Variants in HDAC9 observed in about 807,000 individuals in gnomAD.
HDAC9 encodes MEF-2 interacting transcription repressor (MITR) protein.
HDAC9 carries 41 observed loss-of-function variants against 139.4 expected under a neutral mutation model. The ratio of observed to expected loss-of-function variants is 0.29; its 90% CI spans 0.23 to 0.38. The LOEUF (loss-of-function observed/expected upper bound fraction) is 0.38, where lower values mean the gene tolerates loss of function less well. HDAC9 is among the 10% of genes least tolerant of loss of function. The pLI, the probability that HDAC9 is intolerant of heterozygous loss-of-function variation, is 1.00. For synonymous variants in HDAC9, 517 were observed against 476.2 expected (o/e 1.09, Z -1.12); for missense variants, 1,147 against 1,297.0 (o/e 0.88, Z 1.78).
At chr7:18,732,769 G>A (rs1314567738) in intron 13 of HDAC9, among the ~76,000 whole-genome samples, 1 of 87,118 alleles carries the variant, frequency 1.1e-5, no homozygotes, top group Non-Finnish European at 2.2e-5. Context: ...GTGTATGTGT[G>A]CGTATGTGTA....
chr7:18,361,160 T>G (rs1269575175), intron 1 of HDAC9, among the ~76,000 whole-genome samples: 1 of 152,222 alleles, frequency 6.6e-6, no homozygotes, highest in Non-Finnish European at 1.5e-5. Context: ...ATAATGTATT[T>G]TATAGACTAT....
At chr7:18,156,838 G>T (rs1392464832) in intron 1 of HDAC9, among the ~76,000 whole-genome samples, 1 of 152,184 alleles carries the variant, frequency 6.6e-6, no homozygotes, top group Non-Finnish European at 1.5e-5. Context: ...AAGAATTCAA[G>T]ATACGGCTGG....
chr7:18,397,077 T>A (rs1176072750), intron 1 of HDAC9, among the ~76,000 whole-genome samples: 1 of 151,790 alleles, frequency 6.6e-6, no homozygotes, highest in African/African-American at 2.4e-5. Flanking sequence ...TACAAAAGGG[T>A]ATTGAGAGAA....
intron 16 of HDAC9, among the ~76,000 whole-genome samples, chr7:18,774,747 G>C (rs1790610928): frequency 6.6e-6 from 1 of 152,032 alleles, no homozygotes; most frequent in South Asian, 2.1e-4. Context: ...CTCCATATCA[G>C]CAGTAAGGCT....
intron 1 of HDAC9, among the ~76,000 whole-genome samples, chr7:18,092,918 T>C (rs1414428792): frequency 6.6e-6 from 1 of 152,212 alleles, no homozygotes; most frequent in Non-Finnish European, 1.5e-5. Context: ...CCTAAATATA[T>C]TCCACGCATG....
intron 2 of HDAC9, among the ~76,000 whole-genome samples, chr7:18,528,013 G>A (rs1449922339): frequency 1.3e-5 from 2 of 151,930 alleles, no homozygotes; most frequent in Non-Finnish European, 2.9e-5. Flanking sequence ...ATTATAGGTC[G>A]GGCATGGTGG....
At chr7:18,470,664 A>G (rs142827555) in intron 1 of HDAC9, among the ~76,000 whole-genome samples, 174 of 152,336 alleles carry the variant, frequency 1.1e-3, no homozygotes, top group South Asian at 1.7e-3. Context: ...GAAAAAAACC[A>G]TAGATAATAT....
rs1800828359 is a variant in HDAC9, at chr7:18,893,037, A to AAAAC, written c.2803+18444_2803+18445insCAAA. ...GTTTCAAGTAGGTAATAGGCCGAAAAAAAAAAAAAAAAAAAAAGAAAAGAA... is the reference window on the plus strand; with the variant it reads ...GTTTCAAGTAGGTAATAGGCCGAAAAAAACAAAAAAAAAAAAAAAAAGAAAAGAA... On this transcript the variant is annotated intron_variant, in intron 22 of 25. Transcript: ENST00000686413. 1.4e-5 allele frequency among the ~76,000 whole-genome samples: 2 copies of AAAAC among 141,602 alleles called. 1 individual carries two copies. Among genetic ancestry groups the AAAAC allele is most frequent in the Non-Finnish European group, 3.0e-5 (2 of 66,168 alleles). The allele number at this position is 141,602 out of a possible 152,430, so 92.9% of individuals were successfully genotyped here.
intron 12 of HDAC9, among the ~76,000 whole-genome samples, chr7:18,703,899 T>C (rs1298955667): frequency 6.6e-6 from 1 of 152,132 alleles, no homozygotes; most frequent in African/African-American, 2.4e-5. Context: ...TTCAGTCCAT[T>C]ACTAATTTTA....
At position 18,458,151 on chromosome 7, in the gene HDAC9, CA is replaced by C. The variant is rs34536617; in HGVS notation, c.-41-38107del. 5.3e-5 allele frequency among the ~76,000 whole-genome samples: 8 copies of C among 152,164 alleles called. No homozygotes were observed. The East Asian group carries it at 1.5e-3, about 29-fold the overall frequency. ...TTGCCCCAGGGAAGTGTTGCATTAT[CA>C]AAAGAGACGCTCACCCTCTCAGTGC... On this transcript the variant is annotated intron_variant, in intron 1 of 3. Coordinates refer to the HDAC9 transcript ENST00000413509.
intron 22 of HDAC9, among the ~76,000 whole-genome samples, chr7:18,896,371 A>T (rs188153094): frequency 6.6e-6 from 1 of 152,102 alleles, no homozygotes; most frequent in Admixed American, 6.6e-5. Flanking sequence ...AGAAACACTC[A>T]ATTTGGTCAG....
chr7:18,699,298 C>G (rs963259028), intron 12 of HDAC9, among the ~76,000 whole-genome samples: 1 of 152,110 alleles, frequency 6.6e-6, no homozygotes. Flanking sequence ...GTTTCCAAAC[C>G]TTCTCTGTGC....
intron 1 of HDAC9, among the ~76,000 whole-genome samples, chr7:18,093,845 T>C (rs1030388248): frequency 2.0e-5 from 3 of 152,188 alleles, no homozygotes; most frequent in Non-Finnish European, 4.4e-5. Flanking sequence ...TTCATAGATA[T>C]TCTACTTTTT....
At chr7:18,673,839 T>A (rs1795802560) in intron 12 of HDAC9, among the ~76,000 whole-genome samples, 1 of 152,048 alleles carries the variant, frequency 6.6e-6, no homozygotes, top group Non-Finnish European at 1.5e-5. Flanking sequence ...AGCAGAGATA[T>A]GAGGCATCTG....
At chr7:18,523,765 CATAGAGTAGTT>C (rs1325296635) in intron 2 of HDAC9, among the ~76,000 whole-genome samples, 3 of 152,058 alleles carry the variant, frequency 2.0e-5, no homozygotes, top group Non-Finnish European at 4.4e-5. Flanking sequence ...TGCACCATCA[CATAGAGTAGTT>C]AGAGTAGGTA....
At position 18,334,649 on chromosome 7, in the gene HDAC9, A is replaced by G. The variant is rs1781453412; in HGVS notation, c.-42+44134A>G. On this transcript the variant is annotated intron_variant, in intron 1 of 3. Coordinates refer to the HDAC9 transcript ENST00000413509. ...CATTATTTCCAGAAACTCCACTCAA[A>G]TAGTAATAAGAATTTAAATTATGAA... 2.0e-5 allele frequency among the ~76,000 whole-genome samples: 3 copies of G among 151,544 alleles called. No individual in the cohort carries two copies. In the South Asian group the frequency reaches 6.2e-4, roughly 31 times the overall value.
chr7:18,220,359 C>G (rs1003286228), intron 2 of HDAC9, among the ~76,000 whole-genome samples: 1 of 152,010 alleles, frequency 6.6e-6, no homozygotes, highest in African/African-American at 2.4e-5. Flanking sequence ...GAAGACCGTG[C>G]CAAACAAAGC....
At chr7:18,422,280 A>G (rs1176841462) in intron 1 of HDAC9, among the ~76,000 whole-genome samples, 3 of 152,030 alleles carry the variant, frequency 2.0e-5, no homozygotes, top group Non-Finnish European at 4.4e-5. Flanking sequence ...ATTTAATCCT[A>G]TTCTATTTCA....
At chr7:18,719,981 A>G (rs531603456) in intron 12 of HDAC9, among the ~76,000 whole-genome samples, 12 of 152,274 alleles carry the variant, frequency 7.9e-5, no homozygotes, top group African/African-American at 2.9e-4. Flanking sequence ...TGGATTATCA[A>G]TTCAGTTCCA....
Sources: allele counts gnomAD v4.1 joint callset (sites outside exome capture counted in the v4.1 genomes callset), GRCh38; gene constraint gnomAD v4.1.1; transcripts MANE v1.5; gene names NCBI Gene and HGNC (gene_info 2026-07-23, HGNC 2026-07-21).